ANKRD9: variants seen among roughly 807,000 people sequenced by gnomAD.
ANKRD9 encodes the protein ankyrin repeat domain-containing protein 9.
In ANKRD9, 13 loss-of-function variants were observed where a neutral mutation model predicts 19.2. The observed-to-expected ratio is 0.68, with a 90% confidence interval of 0.44 to 1.08. The LOEUF (loss-of-function observed/expected upper bound fraction) is 1.08, where lower values mean the gene tolerates loss of function less well. ANKRD9 is among the 50% of genes least tolerant of loss of function. ANKRD9 has a pLI of 0.00. For missense variants in ANKRD9, 518 were observed against 499.9 expected (o/e 1.04, Z -0.34); for synonymous variants, 278 against 256.8 (o/e 1.08, Z -0.79).
Position 102,507,764 on chromosome 14 carries a change from G to T in ANKRD9, c.126C>A (p.Arg42=). The T allele has an allele frequency of 6.7e-7, 1 of 1,501,350 alleles. No individual in the cohort carries two copies. Among genetic ancestry groups the T allele is most frequent in the Non-Finnish European group, 8.9e-7 (1 of 1,126,268 alleles). 93.0% of individuals were successfully genotyped at this position (1,501,350 alleles called of 1,614,324 possible). ...KSSFAFYQAV[R]DLLPVWLLED... Reference sequence around the variant, plus strand: ...CCAGCAGCCACACGGGTAGCAGGTCGCGCACCGCCTGGTAGAAGGCGAACG... The same window carrying T: ...CCAGCAGCCACACGGGTAGCAGGTCTCGCACCGCCTGGTAGAAGGCGAACG... Residue 42 remains arginine, a synonymous_variant, in exon 4 of 4, where the codon CGC becomes CGA. Coordinates refer to ENST00000286918, the MANE Select transcript of ANKRD9 (RefSeq NM_152326.4). This position sits in a 1 kb window ranked among gnomAD's most constrained non-coding sequence, Gnocchi z 9.2.
At position 102,507,784 on chromosome 14, in the gene ANKRD9, C is replaced by A. The variant is rs1025593095; in HGVS notation, c.106G>T (p.Ala36Ser). Residue 36 changes from alanine (A) to serine (S), a missense_variant, in exon 4 of 4, where the codon GCC (alanine) becomes TCC (serine). By Grantham distance (99) the Ala-to-Ser change is moderately conservative (BLOSUM62 1). Coordinates refer to ENST00000286918, the MANE Select transcript of ANKRD9 (RefSeq NM_152326.4). This position sits in a 1 kb window ranked among gnomAD's most constrained non-coding sequence, Gnocchi z 9.2. ...AQKQCRKSSF[A>S]FYQAVRDLLP... ...AGGTCGCGCACCGCCTGGTAGAAGG[C>A]GAACGACGACTTGCGGCACTGCTTC... The A allele has an allele frequency of 1.4e-6, 2 of 1,472,186 alleles. No individual in the cohort carries two copies. The highest frequency in any genetic ancestry group is 1.5e-5 in the African/African-American group (1 of 68,356). The allele number at this position is 1,472,186 out of a possible 1,614,324, so 91.2% of individuals were successfully genotyped here.
In ANKRD9 at chr14:102,504,348, G is replaced by T; in HGVS notation, c.*2588C>A. 1 of 153,660 alleles carries T rather than the reference G, an allele frequency of 6.5e-6. No individual in the cohort carries two copies. The allele number at this position is 153,660 out of a possible 1,614,324, so 9.5% of individuals were successfully genotyped here. ...CAAAAAAGTGAGTTTTGTTCTGCGT[G>T]GAGCGATTGCCTTTGGGAAGCCACC... On this transcript the variant is annotated 3_prime_UTR_variant, in exon 4 of 4. Transcript: ENST00000286918.
chr14:102,507,553 G>C lies in ANKRD9; in HGVS notation c.337C>G (p.Pro113Ala), dbSNP rs1266361318. ...PSAGFRCCAA[P>A]GPHVALAVRY... The stretch of plus-strand genomic sequence containing the variant: ...ACTGCCAGCGCCACGTGCGGCCCGG[G>C]AGCCGCGCAGCAGCGGAAGCCGGCA... The change falls in exon 4 of 4, where the codon CCC becomes GCC. Residue 113 changes from proline to alanine, a missense_variant. Coordinates refer to ENST00000286918, the MANE Select transcript of ANKRD9 (RefSeq NM_152326.4). This position sits in a 1 kb window ranked among gnomAD's most constrained non-coding sequence, Gnocchi z 9.2. 16 of 1,345,672 alleles carry C rather than the reference G, an allele frequency of 1.2e-5. No individual in the cohort carries two copies. In the East Asian group the frequency reaches 5.0e-4, roughly 42 times the overall value. The allele number at this position is 1,345,672 out of a possible 1,614,324, so 83.4% of individuals were successfully genotyped here.
rs2139813699 is a variant in ANKRD9, at chr14:102,507,009, C to A, written c.881G>T (p.Arg294Leu). The change falls in exon 4 of 4, where the codon CGC becomes CTC. Residue 294 changes from arginine to leucine, a missense_variant. Transcript: ENST00000286918. This position sits in a 1 kb window ranked among gnomAD's most constrained non-coding sequence, Gnocchi z 9.2. ...QVLVTAISPG[R>L]FPEALDELPL... ...CAGCTCGTCCAGGGCCTCGGGGAAGCGGCCTGGAGAGATGGCGGTGACCAG... is the reference window on the plus strand; with the variant it reads ...CAGCTCGTCCAGGGCCTCGGGGAAGAGGCCTGGAGAGATGGCGGTGACCAG... 1 of 1,574,634 alleles carries A rather than the reference C, an allele frequency of 6.4e-7. No individual in the cohort carries two copies. The highest frequency in any genetic ancestry group is 8.6e-7 in the Non-Finnish European group (1 of 1,164,414).
rs759842352 is a variant in ANKRD9, at chr14:102,507,574, C to T, written c.316G>A (p.Gly106Ser). ...PRRALAPPSA[G>S]FRCCAAPGPH... is the part of the protein sequence containing the mutation. Reference sequence around the variant, plus strand: ...CCGGGAGCCGCGCAGCAGCGGAAGCCGGCACTGGGCGGTGCGAGCGCGCGC... The same window carrying T: ...CCGGGAGCCGCGCAGCAGCGGAAGCTGGCACTGGGCGGTGCGAGCGCGCGC... The change falls in exon 4 of 4, where the codon GGC (glycine) becomes AGC (serine). Residue 106 changes from glycine (G) to serine (S), a missense_variant. Physicochemically the swap from Gly to Ser is moderately conservative, Grantham distance 56. Coordinates refer to ENST00000286918, the MANE Select transcript of ANKRD9 (RefSeq NM_152326.4). This position sits in a 1 kb window ranked among gnomAD's most constrained non-coding sequence, Gnocchi z 9.2. 5.8e-6 allele frequency: 8 copies of T among 1,373,278 alleles called. No homozygotes were observed. In the South Asian group the frequency reaches 1.2e-4, roughly 21 times the overall value. The allele number at this position is 1,373,278 out of a possible 1,614,324, so 85.1% of individuals were successfully genotyped here. A position where few individuals can be genotyped will look rare whatever the true frequency, so the allele number is the denominator to read the frequency against.
chr14:102,506,836 CAG>C lies in ANKRD9; in HGVS notation c.*98_*99del, dbSNP rs1222874801. On this transcript the variant is annotated 3_prime_UTR_variant, in exon 4 of 4. Coordinates refer to ENST00000286918, the MANE Select transcript of ANKRD9 (RefSeq NM_152326.4). The stretch of plus-strand genomic sequence containing the variant: ...CCCCCAGTGCATGCGACAGATGAGG[CAG>C]AGATTGTGCCGTACAGAGATCAATA... 2 of 1,275,574 alleles carry C rather than the reference CAG, an allele frequency of 1.6e-6. No individual in the cohort carries two copies. The highest frequency in any genetic ancestry group is 2.0e-6 in the Non-Finnish European group (2 of 1,007,968). 79.0% of individuals were successfully genotyped at this position (1,275,574 alleles called of 1,614,324 possible).
chr14:102,505,438 C>CCT lies in ANKRD9; in HGVS notation c.*1496_*1497dup, dbSNP rs1265390319. ...ACACACAGCAGCGGGGAAGTGGAACCCTCACTCCAGCCTGCAGTCTGGGCT... is the reference window on the plus strand; with the variant it reads ...ACACACAGCAGCGGGGAAGTGGAACCCTCTCACTCCAGCCTGCAGTCTGGGCT... On this transcript the variant is annotated 3_prime_UTR_variant, in exon 4 of 4. Transcript: ENST00000286918. 1 of 152,298 alleles carries CCT rather than the reference C, an allele frequency of 6.6e-6. No individual in the cohort carries two copies. Among genetic ancestry groups the CCT allele is most frequent in the Non-Finnish European group, 1.5e-5 (1 of 68,142 alleles). 9.4% of individuals were successfully genotyped at this position (152,298 alleles called of 1,614,324 possible).
chr14:102,507,601 G>C lies in ANKRD9; in HGVS notation c.289C>G (p.Arg97Gly). 2 of 1,469,900 alleles carry C rather than the reference G, an allele frequency of 1.4e-6. No homozygotes were observed. Among genetic ancestry groups the C allele is most frequent in the Non-Finnish European group, 9.0e-7 (1 of 1,111,014 alleles). 91.1% of individuals were successfully genotyped at this position (1,469,900 alleles called of 1,614,324 possible). A position where few individuals can be genotyped will look rare whatever the true frequency, so the allele number is the denominator to read the frequency against. Reference protein sequence around the residue: ...YAHYLLATFPRRALAPPSAGF... With the variant: ...YAHYLLATFPGRALAPPSAGF... Reference sequence around the variant, plus strand: ...GCACTGGGCGGTGCGAGCGCGCGCCGCGGGAACGTGGCCAGCAGGTAATGC... The same window carrying C: ...GCACTGGGCGGTGCGAGCGCGCGCCCCGGGAACGTGGCCAGCAGGTAATGC... Residue 97 changes from arginine (R) to glycine (G), a missense_variant, in exon 4 of 4, where the codon CGG becomes GGG. Physicochemically the swap from Arg to Gly is moderately radical, Grantham distance 125. Coordinates refer to ENST00000286918, the MANE Select transcript of ANKRD9 (RefSeq NM_152326.4). The surrounding 1 kb of genome is among the most constrained non-coding windows in gnomAD (Gnocchi z 9.2).
chr14:102,507,637 G>A lies in ANKRD9; in HGVS notation c.253C>T (p.Gln85Ter), dbSNP rs867374366. 1 of 1,538,148 alleles carries A rather than the reference G, an allele frequency of 6.5e-7. No homozygotes were observed. Residue 85 changes from glutamine (Q) to a stop codon, truncating the protein, a stop_gained, in exon 4 of 4, where the codon CAA (glutamine) becomes TAA (stop). Coordinates refer to ENST00000286918, the MANE Select transcript of ANKRD9 (RefSeq NM_152326.4). LOFTEE classifies it high-confidence loss of function. The surrounding 1 kb of genome is among the most constrained non-coding windows in gnomAD (Gnocchi z 9.2). ...GCCAGCAGGTAATGCGCGTACGCTT[G>A]GTGGTCGTGCACGAGCGCGTAGAGC... is the stretch of plus-strand genomic sequence containing the variant. Reference protein sequence around the residue: ...ALLYALVHDHQAYAHYLLATF... With the variant: ...ALLYALVHDH
Position 102,506,977 on chromosome 14 carries a change from G to A in ANKRD9, c.913C>T (p.Pro305Ser), listed in dbSNP as rs1199468175. 5.1e-6 allele frequency: 8 copies of A among 1,567,768 alleles called. No homozygotes were observed. The highest frequency in any genetic ancestry group is 1.2e-5 in the South Asian group (1 of 86,594). Residue 305 changes from proline to serine, a missense_variant, in exon 4 of 4, where the codon CCC (proline) becomes TCC (serine). Pro to Ser is a moderately conservative substitution (Grantham distance 74). Transcript: ENST00000286918. ...FPEALDELPL[P>S]PFLQPLDLTG... ...AGGTCCAACGGCTGCAGGAATGGGG[G>A]CAGCGGCAGCTCGTCCAGGGCCTCG... is the stretch of plus-strand genomic sequence containing the variant.
chr14:102,507,390 C>T lies in ANKRD9; in HGVS notation c.500G>A (p.Cys167Tyr), dbSNP rs1891637974. The T allele has an allele frequency of 1.5e-6, 2 of 1,344,282 alleles. No homozygotes were observed. The highest frequency in any genetic ancestry group is 9.6e-7 in the Non-Finnish European group (1 of 1,046,144). The allele number at this position is 1,344,282 out of a possible 1,614,324, so 83.3% of individuals were successfully genotyped here. A position where few individuals can be genotyped will look rare whatever the true frequency, so the allele number is the denominator to read the frequency against. ...EGGGTSLHVA[C>Y]ELARPECLFL... is the part of the protein sequence containing the mutation. ...GAGGCACTCGGGGCGCGCCAGCTCA[C>T]AGGCCACGTGCAGCGACGTGCCACC... Residue 167 changes from cysteine to tyrosine, a missense_variant, in exon 4 of 4, where the codon TGT becomes TAT. Physicochemically the swap from Cys to Tyr is radical, Grantham distance 194. Transcript: ENST00000286918. This position sits in a 1 kb window ranked among gnomAD's most constrained non-coding sequence, Gnocchi z 9.2.
In ANKRD9 at chr14:102,505,250, C is replaced by T. The variant is rs1891554111; in HGVS notation, c.*1686G>A. The stretch of plus-strand genomic sequence containing the variant: ...GCCAGGCCACTCCTGTCTCCACTTC[C>T]ATACCCTCCAAAGGAGAGGCACCTC... On this transcript the variant is annotated 3_prime_UTR_variant, in exon 4 of 4. Coordinates refer to ENST00000286918, the MANE Select transcript of ANKRD9 (RefSeq NM_152326.4). The T allele has an allele frequency of 6.6e-6, 1 of 151,518 alleles. No individual in the cohort carries two copies. Among genetic ancestry groups the T allele is most frequent in the African/African-American group, 2.4e-5 (1 of 41,296 alleles). 9.4% of individuals were successfully genotyped at this position (151,518 alleles called of 1,614,324 possible). A position where few individuals can be genotyped will look rare whatever the true frequency, so the allele number is the denominator to read the frequency against.
rs1472879250 is a variant in ANKRD9 at position 102,504,748 on chromosome 14, C to T, written c.*2188G>A. 1.3e-5 allele frequency: 2 copies of T among 152,564 alleles called. No individual in the cohort carries two copies. The highest frequency in any genetic ancestry group is 2.9e-5 in the Non-Finnish European group (2 of 68,308). 9.5% of individuals were successfully genotyped at this position (152,564 alleles called of 1,614,324 possible). ...CACTGGCCAGCTTCCTCTGACTTCC[C>T]TGTCCCCTCACCCAAATCGATGACA... On this transcript the variant is annotated 3_prime_UTR_variant, in exon 4 of 4. Coordinates refer to ENST00000286918, the MANE Select transcript of ANKRD9 (RefSeq NM_152326.4).
In ANKRD9 at chr14:102,506,833, A is replaced by AGGCAGAGATT; in HGVS notation, c.*93_*102dup. The AGGCAGAGATT allele has an allele frequency of 7.9e-7, 1 of 1,267,502 alleles. No homozygotes were observed. Among genetic ancestry groups the AGGCAGAGATT allele is most frequent in the Non-Finnish European group, 1.0e-6 (1 of 1,002,764 alleles). 78.5% of individuals were successfully genotyped at this position (1,267,502 alleles called of 1,614,324 possible). A position where few individuals can be genotyped will look rare whatever the true frequency, so the allele number is the denominator to read the frequency against. On this transcript the variant is annotated 3_prime_UTR_variant, in exon 4 of 4. Transcript: ENST00000286918. ...CAGCCCCCAGTGCATGCGACAGATG[A>AGGCAGAGATT]GGCAGAGATTGTGCCGTACAGAGAT...
In ANKRD9 at chr14:102,503,519, T is replaced by C. The variant is rs1441630041; in HGVS notation, c.*3417A>G. ...GGCTGGTCTCGAACTCCTGACCTCA[T>C]GATCCACCCACCTTGGCCTCCCAAA... On this transcript the variant is annotated 3_prime_UTR_variant, in exon 4 of 4. Coordinates refer to ENST00000286918, the MANE Select transcript of ANKRD9 (RefSeq NM_152326.4). 9 of 152,086 alleles carry C rather than the reference T, an allele frequency of 5.9e-5. No homozygotes were observed. The highest frequency in any genetic ancestry group is 1.3e-4 in the Non-Finnish European group (9 of 68,020). 9.4% of individuals were successfully genotyped at this position (152,086 alleles called of 1,614,324 possible).
rs1422973476 is a variant in ANKRD9 at position 102,505,082 on chromosome 14, G to A, written c.*1854C>T. ...GGGCTAGCCCTGGGCCTCTGGCATT[G>A]TGGAGGCTGACCTATAGAGAACAGA... is the stretch of plus-strand genomic sequence containing the variant. On this transcript the variant is annotated 3_prime_UTR_variant, in exon 4 of 4. Transcript: ENST00000286918. 2 of 152,744 alleles carry A rather than the reference G, an allele frequency of 1.3e-5. No individual in the cohort carries two copies. Among genetic ancestry groups the A allele is most frequent in the Non-Finnish European group, 2.9e-5 (2 of 68,462 alleles). The allele number at this position is 152,744 out of a possible 1,614,324, so 9.5% of individuals were successfully genotyped here.
rs1891734288 is a variant in ANKRD9 at position 102,509,702 on chromosome 14, GGCGGCGGT to G, written c.-516_-509del. 1 of 145,648 alleles carries G rather than the reference GGCGGCGGT, an allele frequency of 6.9e-6. No homozygotes were observed. Among genetic ancestry groups the G allele is most frequent in the Admixed American group, 6.8e-5 (1 of 14,692 alleles). 9.0% of individuals were successfully genotyped at this position (145,648 alleles called of 1,614,324 possible). Reference sequence around the variant, plus strand: ...CTGAGCCGCCGCGGCCGGATCGCAGGGCGGCGGTGCCGTCGCCGGCGGCGGGCGGCGGG... The same window carrying G: ...CTGAGCCGCCGCGGCCGGATCGCAGGGCCGTCGCCGGCGGCGGGCGGCGGG... On this transcript the variant is annotated 5_prime_UTR_variant, in exon 1 of 4. Transcript: ENST00000286918.
rs1160289395 is a variant in ANKRD9 at position 102,506,947 on chromosome 14, C to A, written c.943G>T (p.Gly315Cys). 2 of 1,518,656 alleles carry A rather than the reference C, an allele frequency of 1.3e-6. No individual in the cohort carries two copies. The highest frequency in any genetic ancestry group is 8.8e-7 in the Non-Finnish European group (1 of 1,131,412). 94.1% of individuals were successfully genotyped at this position (1,518,656 alleles called of 1,614,324 possible). A position where few individuals can be genotyped will look rare whatever the true frequency, so the allele number is the denominator to read the frequency against. Residue 315 changes from glycine to cysteine, a missense_variant, in exon 4 of 4, where the codon GGC becomes TGC. By Grantham distance (159) the Gly-to-Cys change is radical. Coordinates refer to ENST00000286918, the MANE Select transcript of ANKRD9 (RefSeq NM_152326.4). Reference protein sequence around the residue: ...PPFLQPLDLTGKG With the variant: ...PPFLQPLDLTCKG Reference sequence around the variant, plus strand: ...AGGGTGCTCCGGGCCTAGCCTTTGCCAGTGAGGTCCAACGGCTGCAGGAAT... The same window carrying A: ...AGGGTGCTCCGGGCCTAGCCTTTGCAAGTGAGGTCCAACGGCTGCAGGAAT...
rs767684810 is a variant in ANKRD9, at chr14:102,507,115, G to A, written c.775C>T (p.Gln259Ter). 3.3e-6 allele frequency: 5 copies of A among 1,502,990 alleles called. No homozygotes were observed. Among genetic ancestry groups the A allele is most frequent in the Non-Finnish European group, 4.4e-6 (5 of 1,133,526 alleles). 93.1% of individuals were successfully genotyped at this position (1,502,990 alleles called of 1,614,324 possible). A position where few individuals can be genotyped will look rare whatever the true frequency, so the allele number is the denominator to read the frequency against. ...QELLGDRPRW[Q>*]RLLGEDKFQW... ...AACTTGTCCTCACCCAGCAGCCGCTGCCAGCGCGGCCGGTCGCCCAGCAGC... is the reference window on the plus strand; with the variant it reads ...AACTTGTCCTCACCCAGCAGCCGCTACCAGCGCGGCCGGTCGCCCAGCAGC... Residue 259 changes from glutamine to a stop codon, truncating the protein, a stop_gained, in exon 4 of 4, where the codon CAG (glutamine) becomes TAG (stop). Coordinates refer to ENST00000286918, the MANE Select transcript of ANKRD9 (RefSeq NM_152326.4). LOFTEE classifies it high-confidence loss of function. The surrounding 1 kb of genome is among the most constrained non-coding windows in gnomAD (Gnocchi z 9.2).
Sources: gnomAD v4.1 joint callset for allele counts on GRCh38, gnomAD v4.1.1 for gene constraint, Gnocchi (gnomAD v3.1) non-coding constraint, MANE v1.5 for transcripts, NCBI Gene and HGNC (gene_info 2026-07-23, HGNC 2026-07-21) for gene names.